PARN: variants seen among roughly 807,000 people sequenced by gnomAD.
The protein encoded by PARN is poly(A)-specific ribonuclease PARN.
A neutral mutation model predicts 102.8 loss-of-function variants in PARN; 71 were observed. That is an observed-to-expected ratio of 0.69 (90% CI 0.57 to 0.84). PARN has a LOEUF of 0.84. Ranked by LOEUF, PARN falls within the 40% of genes least tolerant of loss-of-function variation. The pLI is 0.00. For synonymous variants in PARN, 261 were observed against 252.9 expected (o/e 1.03, Z -0.30); for missense variants, 782 against 760.9 (o/e 1.03, Z -0.33).
intron 21 of PARN, among the ~76,000 whole-genome samples, chr16:14,506,551 G>A (rs561521551): frequency 7.2e-5 from 11 of 152,158 alleles, no homozygotes; most frequent in Non-Finnish European, 1.0e-4. Flanking sequence ...CTCTCAAGTA[G>A]TTTAGCAATA....
At position 14,451,885 on chromosome 16, in the gene PARN, AAAAAAAAT is replaced by A. The variant is rs1370719927; in HGVS notation, c.1671-4812_1671-4805del. Among the ~76,000 whole-genome samples, 750 of 140,274 alleles carry A rather than the reference AAAAAAAAT, an allele frequency of 5.3e-3. 3 individuals carry two copies. The East Asian group carries it at 0.072, about 13-fold the overall frequency. The allele number at this position is 140,274 out of a possible 152,430, so 92.0% of individuals were successfully genotyped here. On this transcript the variant is annotated intron_variant, in intron 22 of 23. Transcript: ENST00000437198. ...AAAAAAATACAAAAAAAAAAAAAAA[AAAAAAAAT>A]ACAAAAAATTAGCCAGGCACAGTGG... is the stretch of plus-strand genomic sequence containing the variant.
Position 14,503,179 on chromosome 16 carries a change from G to A in PARN, c.1481-20352C>T, listed in dbSNP as rs144068091. The stretch of plus-strand genomic sequence containing the variant: ...CTAGCTGAATGGATTCTCCTTTCTG[G>A]GGAATGAGAACACCAGAAAGGAAAA... On this transcript the variant is annotated intron_variant, in intron 21 of 23. Coordinates refer to ENST00000437198, the MANE Select transcript of PARN (RefSeq NM_002582.4). Among the ~76,000 whole-genome samples, 573 of 152,152 alleles carry A rather than the reference G, an allele frequency of 3.8e-3. 5 individuals carry two copies. The highest frequency in any genetic ancestry group is 0.013 in the African/African-American group (540 of 41,490).
intron 21 of PARN, among the ~76,000 whole-genome samples, chr16:14,493,778 T>C (rs1186627440): frequency 1.3e-5 from 2 of 152,254 alleles, no homozygotes; most frequent in Non-Finnish European, 2.9e-5. Context: ...TAAGTTCCTA[T>C]GGCCCAAGCC....
intron 22 of PARN, among the ~76,000 whole-genome samples, chr16:14,449,056 A>G (rs1961329158): frequency 6.6e-6 from 1 of 152,208 alleles, no homozygotes; most frequent in Non-Finnish European, 1.5e-5. Flanking sequence ...GAAGATAATA[A>G]GGGTTCTTCT....
intron 22 of PARN, among the ~76,000 whole-genome samples, chr16:14,454,912 A>G (rs971274854): frequency 6.6e-6 from 1 of 152,372 alleles, no homozygotes; most frequent in East Asian, 1.9e-4. Flanking sequence ...AAGATATAAT[A>G]ATATATGCAC....
intron 13 of PARN, chr16:14,592,036 CAA>C (rs879685851): frequency 8.2e-5 from 10 of 121,936 alleles, no homozygotes; most frequent in Admixed American, 8.5e-5. Flanking sequence ...GACTCCATCT[CAA>C]AAAAAAAAAA....
chr16:14,465,861 G>A (rs1232412495), intron 22 of PARN, among the ~76,000 whole-genome samples: 3 of 152,130 alleles, frequency 2.0e-5, no homozygotes, highest in Non-Finnish European at 4.4e-5. Flanking sequence ...AAGTATGGAT[G>A]GAGCTAAAGG....
intron 22 of PARN, among the ~76,000 whole-genome samples, chr16:14,461,010 A>G (rs1961934304): frequency 1.3e-5 from 2 of 152,244 alleles, no homozygotes; most frequent in Non-Finnish European, 2.9e-5. Flanking sequence ...CATTGACAGC[A>G]TGTTCCCTTG....
At chr16:14,553,885 T>C (rs973278623) in intron 20 of PARN, among the ~76,000 whole-genome samples, 180 bp downstream of exon 20, 1 of 152,230 alleles carries the variant, frequency 6.6e-6, no homozygotes, top group African/African-American at 2.4e-5. Flanking sequence ...ATTAAAAGTT[T>C]CTCAGATGAT....
intron 21 of PARN, among the ~76,000 whole-genome samples, chr16:14,513,095 T>C (rs1965286081): frequency 6.6e-6 from 1 of 152,124 alleles, no homozygotes; most frequent in Non-Finnish European, 1.5e-5. Flanking sequence ...TGACTAGTTT[T>C]TGTATTTTTA....
At chr16:14,466,062 G>A (rs905877174) in intron 22 of PARN, among the ~76,000 whole-genome samples, 4 of 152,084 alleles carry the variant, frequency 2.6e-5, no homozygotes. Flanking sequence ...TAGTACCTGG[G>A]TGACGAAATA....
chr16:14,560,970 A>G (rs1968019374), intron 18 of PARN, among the ~76,000 whole-genome samples: 2 of 152,212 alleles, frequency 1.3e-5, no homozygotes, highest in Non-Finnish European at 2.9e-5. Context: ...AGCCTAGCCA[A>G]TGTGGTGAAA....
At chr16:14,551,421 T>C (rs1344606878) in intron 21 of PARN, among the ~76,000 whole-genome samples, 7 of 151,530 alleles carry the variant, frequency 4.6e-5, no homozygotes, top group Admixed American at 4.6e-4. Flanking sequence ...ATACAAAAAT[T>C]AGCCGGGTAT....
chr16:14,467,372 T>C (rs1046911887), intron 22 of PARN, among the ~76,000 whole-genome samples: 7 of 152,158 alleles, frequency 4.6e-5, no homozygotes, highest in Non-Finnish European at 7.4e-5. Flanking sequence ...AGAAACACAA[T>C]GCTTCTTGCC....
chr16:14,551,089 G>C (rs537296124), intron 21 of PARN, among the ~76,000 whole-genome samples: 15 of 150,840 alleles, frequency 9.9e-5, no homozygotes, highest in Non-Finnish European at 1.5e-5. Context: ...CAGCCATCAC[G>C]CCCAGCTAAA....
chr16:14,550,434 C>G (rs1347200786), intron 21 of PARN, among the ~76,000 whole-genome samples: 3 of 152,084 alleles, frequency 2.0e-5, no homozygotes, highest in Non-Finnish European at 4.4e-5. Context: ...TCATGGAATC[C>G]TTACAATAAC....
At chr16:14,571,182 A>C (rs1278152926) in intron 18 of PARN, among the ~76,000 whole-genome samples, 1 of 152,028 alleles carries the variant, frequency 6.6e-6, no homozygotes, top group Non-Finnish European at 1.5e-5. Flanking sequence ...TCAGGAGTTC[A>C]AGACCAGCCT....
chr16:14,605,905 A>G (rs1027952260), intron 10 of PARN, among the ~76,000 whole-genome samples: 4 of 152,184 alleles, frequency 2.6e-5, no homozygotes, highest in African/African-American at 9.7e-5. Flanking sequence ...ATACAAACTA[A>G]TATTTGTATA....
chr16:14,600,577 C>G (rs2151781046), intron 11 of PARN, among the ~76,000 whole-genome samples: 1 of 152,178 alleles, frequency 6.6e-6, no homozygotes, highest in African/African-American at 2.4e-5. Context: ...CAGTTTAACT[C>G]CCAGGTGTTC....
Sources: gnomAD v4.1 joint callset for allele counts (sites outside exome capture counted in the v4.1 genomes callset) on GRCh38, gnomAD v4.1.1 for gene constraint, MANE v1.5 for transcripts, NCBI Gene and HGNC (gene_info 2026-07-23, HGNC 2026-07-21) for gene names.